COL6A5: variants seen among roughly 807,000 people sequenced by gnomAD.
The protein encoded by COL6A5 is collagen alpha-5(VI) chain.
In COL6A5, 48 loss-of-function variants were observed where a neutral mutation model predicts 65.6. That is an observed-to-expected ratio of 0.73 (90% CI 0.58 to 0.93). The LOEUF (loss-of-function observed/expected upper bound fraction) is 0.93. COL6A5 is among the 40% of genes least tolerant of loss of function. COL6A5 has a pLI of 0.00. For synonymous variants in COL6A5, 291 were observed against 322.8 expected (o/e 0.90, Z 1.05); for missense variants, 914 against 928.3 (o/e 0.98, Z 0.20).
intron 4 of COL6A5, among the ~76,000 whole-genome samples, chr3:130,448,001 C>T (rs1709347132): frequency 6.6e-6 from 1 of 152,104 alleles, no homozygotes; most frequent in Non-Finnish European, 1.5e-5. Flanking sequence ...AGTGAATTTG[C>T]CACAGTACGG....
At chr3:130,413,196 C>T (rs1045496267) in intron 20 of COL6A5, among the ~76,000 whole-genome samples, 12 of 151,970 alleles carry the variant, frequency 7.9e-5, no homozygotes, top group Non-Finnish European at 1.6e-4. Context: ...TGGGAAGGCT[C>T]TGATTAGCAG....
Position 130,376,852 on chromosome 3 carries a change from G to A in COL6A5, c.667+16G>A. ...GATATGCAAGGTAAGGAAACCCTTG[G>A]TTGAAGAGGTGCCTGATCCCCAGGT... On this transcript the variant is annotated intron_variant and NMD_transcript_variant, in intron 3 of 41. Transcript: ENST00000312481. 6.3e-7 allele frequency: 1 copy of A among 1,589,256 alleles called. No homozygotes were observed. The highest frequency in any genetic ancestry group is 1.3e-5 in the African/African-American group (1 of 74,338).
At position 130,373,606 on chromosome 3, in the gene COL6A5, T is replaced by G. The variant is rs780029057; in HGVS notation, c.-28-5T>G. The G allele has an allele frequency of 4.5e-6, 6 of 1,326,002 alleles. No individual in the cohort carries two copies. The highest frequency in any genetic ancestry group is 5.3e-6 in the Non-Finnish European group (5 of 951,346). 82.1% of individuals were successfully genotyped at this position (1,326,002 alleles called of 1,614,324 possible). On this transcript the variant is annotated splice_region_variant and splice_polypyrimidine_tract_variant and intron_variant and NMD_transcript_variant, in intron 1 of 41. Transcript: ENST00000312481. ...TTTCATAATGTAAATAATTTTCTTT[T>G]GCAGAACAAAAGTAAAAATCTTCAC...
chr3:130,395,131 C>T (rs1033296539), exon 8 of COL6A5: 71 of 1,551,514 alleles, frequency 4.6e-5, no homozygotes, highest in East Asian at 7.3e-5. Flanking sequence ...TCTCCAAGAG[C>T]GGTGGATTTC....
chr3:130,445,544 C>T (rs1709284703), intron 4 of COL6A5, among the ~76,000 whole-genome samples: 1 of 152,120 alleles, frequency 6.6e-6, no homozygotes, highest in Non-Finnish European at 1.5e-5. Context: ...GAGAGTGGGA[C>T]AGTAGTGGGA....
intron 25 of COL6A5, among the ~76,000 whole-genome samples, chr3:130,419,392 A>G (rs913119781): frequency 1.3e-5 from 2 of 152,174 alleles, no homozygotes; most frequent in African/African-American, 4.8e-5. Context: ...CAGCCAGTAT[A>G]GGAACAATTA....
At chr3:130,395,464 C>G (rs1936565386) in exon 8 of COL6A5, 1 of 1,533,582 alleles carries the variant, frequency 6.5e-7, no homozygotes, top group Non-Finnish European at 8.8e-7. Flanking sequence ...GTGGGAAAAC[C>G]AGTAAGTGCT....
chr3:130,431,885 G>A, exon 1 of COL6A5: 1 of 1,551,624 alleles, frequency 6.4e-7, no homozygotes, highest in Non-Finnish European at 8.7e-7. Flanking sequence ...ATGGAGTTTA[G>A]TGCCCTGGAT....
At chr3:130,441,272 A>C (rs999329364) in intron 3 of COL6A5, among the ~76,000 whole-genome samples, 8 of 152,148 alleles carry the variant, frequency 5.3e-5, no homozygotes, top group Non-Finnish European at 1.2e-4. Flanking sequence ...ATCTTGTTAA[A>C]ATGCAGGATA....
At chr3:130,416,068 T>C (rs1937327869) in intron 23 of COL6A5, among the ~76,000 whole-genome samples, 1 of 152,166 alleles carries the variant, frequency 6.6e-6, no homozygotes, top group Admixed American at 6.5e-5. Context: ...CCATTCACTA[T>C]AGATATTTAA....
intron 1 of COL6A5, among the ~76,000 whole-genome samples, chr3:130,360,748 T>C (rs1935077674): frequency 6.6e-6 from 1 of 152,138 alleles, no homozygotes; most frequent in South Asian, 2.1e-4. Context: ...TATACCATTC[T>C]TATGATAAAA....
chr3:130,476,266 G>A (rs1710095144), intron 7 of COL6A5, among the ~76,000 whole-genome samples: 1 of 152,018 alleles, frequency 6.6e-6, no homozygotes, highest in Admixed American at 6.6e-5. Context: ...TTTTATAAGA[G>A]TAACGGTTCC....
rs555762853 is a variant in COL6A5 at position 130,408,631 on chromosome 3, C to T, written c.4480-695C>T. Among the ~76,000 whole-genome samples the T allele has an allele frequency of 8.5e-5, 13 of 152,212 alleles. No homozygotes were observed. In the South Asian group the frequency reaches 2.7e-3, roughly 32 times the overall value. On this transcript the variant is annotated intron_variant and NMD_transcript_variant, in intron 17 of 41. Transcript: ENST00000312481. ...CCCACTCCCTATTCGTACACCACTC[C>T]CCTTTTGAAACCCCTAATAAAAACT... is the stretch of plus-strand genomic sequence containing the variant.
At chr3:130,475,007 C>CAAAAA (rs57263258) in intron 7 of COL6A5, among the ~76,000 whole-genome samples, 2 of 65,046 alleles carry the variant, frequency 3.1e-5, no homozygotes, top group Non-Finnish European at 5.1e-5. Context: ...ACCATGTCTC[C>CAAAAA]AAAAAAAAAA....
In COL6A5 at chr3:130,437,461, C is replaced by T. The variant is rs1336038188; in HGVS notation, c.488-2061C>T. 2.0e-5 allele frequency among the ~76,000 whole-genome samples: 3 copies of T among 152,200 alleles called. No individual in the cohort carries two copies. The East Asian group carries it at 5.8e-4, about 29-fold the overall frequency. On this transcript the variant is annotated intron_variant, in intron 1 of 7. Coordinates refer to ENST00000512836, the Ensembl canonical transcript of COL6A5. ...CTTAGTGGCCTTGCATTCATTCTTG[C>T]CTGCTACAGTCTGTCTGAACACAGC...
At chr3:130,383,775 A>G (rs1365672666) in intron 4 of COL6A5, among the ~76,000 whole-genome samples, 2 of 152,124 alleles carry the variant, frequency 1.3e-5, no homozygotes, top group Non-Finnish European at 2.9e-5. Flanking sequence ...ATCTACATAA[A>G]GTAGTAAATA....
intron 1 of COL6A5, among the ~76,000 whole-genome samples, chr3:130,348,307 T>C (rs1342626071): frequency 1.3e-5 from 2 of 152,198 alleles, no homozygotes; most frequent in South Asian, 2.1e-4. Flanking sequence ...TGGTGTGTGA[T>C]GTTCCCCTCC....
At chr3:130,406,781 T>C (rs1937008165) in intron 17 of COL6A5, among the ~76,000 whole-genome samples, 1 of 152,204 alleles carries the variant, frequency 6.6e-6, no homozygotes. Context: ...CTCATTAGTG[T>C]GTGCCTACTT....
In COL6A5 at chr3:130,403,682, C is replaced by T. The variant is rs1385665825; in HGVS notation, c.4281+20C>T. ...AACCCTGTAAGTTTTTATTACTCCCCCTCACCCCCTGTTGCACACACACTG... is the reference window on the plus strand; with the variant it reads ...AACCCTGTAAGTTTTTATTACTCCCTCTCACCCCCTGTTGCACACACACTG... On this transcript the variant is annotated intron_variant and NMD_transcript_variant, in intron 13 of 41. Transcript: ENST00000312481. The T allele has an allele frequency of 3.2e-6, 5 of 1,542,528 alleles. No individual in the cohort carries two copies. Among genetic ancestry groups the T allele is most frequent in the Admixed American group, 3.9e-5 (2 of 50,848 alleles).
Sources: gnomAD v4.1 joint callset for allele counts (sites outside exome capture counted in the v4.1 genomes callset) on GRCh38, gnomAD v4.1.1 for gene constraint, MANE v1.5 for transcripts, NCBI Gene and HGNC (gene_info 2026-07-23, HGNC 2026-07-21) for gene names.